RBFOX2: variants seen among roughly 807,000 people sequenced by gnomAD.
RBFOX2 encodes the protein RNA binding protein fox-1 homolog 2.
In RBFOX2, 10 loss-of-function variants were observed where a neutral mutation model predicts 49.1. The ratio of observed to expected loss-of-function variants is 0.20; its 90% CI spans 0.13 to 0.35. RBFOX2 has a LOEUF of 0.35. RBFOX2 is among the 10% of genes least tolerant of loss of function. The pLI is 1.00. For synonymous variants in RBFOX2, 183 were observed against 187.4 expected, an observed-to-expected ratio of 0.98 and a Z score of 0.19; for missense variants, 323 against 486.9, an observed-to-expected ratio of 0.66 and a Z score of 3.17.
chr22:35,818,124 G>C (rs1424548486), intron 1 of RBFOX2, among the ~76,000 whole-genome samples: 1 of 152,108 alleles, frequency 6.6e-6, no homozygotes, highest in Non-Finnish European at 1.5e-5. Context: ...TAGTCTATTA[G>C]GTGAAAAGCA....
chr22:35,780,065 C>T (rs1188725511), intron 3 of RBFOX2, among the ~76,000 whole-genome samples: 1 of 152,124 alleles, frequency 6.6e-6, no homozygotes, highest in African/African-American at 2.4e-5. Flanking sequence ...CTGCGTAACC[C>T]AAGTCCTTTA....
intron 1 of RBFOX2, among the ~76,000 whole-genome samples, chr22:35,977,861 G>T (rs2057274490): frequency 6.7e-6 from 1 of 149,066 alleles, no homozygotes; most frequent in Non-Finnish European, 1.5e-5. Context: ...AGTTAGCACA[G>T]CAGCCAAGGA....
At chr22:35,850,917 T>C (rs1270032778) in intron 1 of RBFOX2, among the ~76,000 whole-genome samples, 3 of 152,180 alleles carry the variant, frequency 2.0e-5, no homozygotes, top group Non-Finnish European at 4.4e-5. Flanking sequence ...GCATTCAAAA[T>C]TTCAAAATGG....
intron 1 of RBFOX2, chr22:35,997,764 GA>G (rs1404739659): frequency 6.6e-6 from 1 of 152,302 alleles, no homozygotes; most frequent in East Asian, 1.9e-4. Flanking sequence ...GTTGAGGCAG[GA>G]AGATCGCTAG....
At chr22:35,765,514 G>A in intron 5 of RBFOX2, 31 bp from the exon 7 acceptor site, 2 of 1,407,810 alleles carry the variant, frequency 1.4e-6, no homozygotes, top group Non-Finnish European at 2.0e-6. Context: ...AAAGGGCAGG[G>A]AAGAAGTGGA....
At position 35,837,488 on chromosome 22, in the gene RBFOX2, A is replaced by AAC. The variant is rs561629926; in HGVS notation, c.27+2702_27+2703dup. Among the ~76,000 whole-genome samples, 511 of 139,664 alleles carry AAC rather than the reference A, an allele frequency of 3.7e-3. 4 individuals carry two copies. The highest frequency in any genetic ancestry group is 7.9e-3 in the African/African-American group (252 of 31,918). The allele number at this position is 139,664 out of a possible 152,430, so 91.6% of individuals were successfully genotyped here. ...ATGTTGGGATTGGATGTCTGGCTCA[A>AAC]ACACACACACACACACATGTGCACA... On this transcript the variant is annotated intron_variant, in intron 1 of 11. Coordinates refer to ENST00000405409, the Ensembl canonical transcript of RBFOX2.
chr22:36,012,946 A>T (rs2146398604), intron 1 of RBFOX2, among the ~76,000 whole-genome samples: 1 of 151,954 alleles, frequency 6.6e-6, no homozygotes, highest in African/African-American at 2.4e-5. Flanking sequence ...TTTTATTTTT[A>T]GTAGAGATGG....
intron 1 of RBFOX2, among the ~76,000 whole-genome samples, chr22:36,023,520 A>G (rs1379264391): frequency 6.6e-6 from 1 of 152,202 alleles, no homozygotes; most frequent in East Asian, 1.9e-4. Flanking sequence ...TTATGAATCA[A>G]ATTGTTCACT....
At chr22:35,946,255 A>C (rs2054264787) in intron 1 of RBFOX2, among the ~76,000 whole-genome samples, 1 of 152,140 alleles carries the variant, frequency 6.6e-6, no homozygotes, top group Non-Finnish European at 1.5e-5. Context: ...ACAACTCCTG[A>C]CTCTCAAATC....
intron 1 of RBFOX2, among the ~76,000 whole-genome samples, chr22:35,919,959 A>G (rs2050848417): frequency 2.0e-5 from 3 of 152,082 alleles, no homozygotes; most frequent in Admixed American, 2.0e-4. Context: ...AGTGGACTTT[A>G]GTGTCCTTTC....
intron 3 of RBFOX2, among the ~76,000 whole-genome samples, chr22:35,780,292 T>TA (rs1944851723): frequency 6.6e-6 from 1 of 151,508 alleles, no homozygotes; most frequent in Non-Finnish European, 1.5e-5. Flanking sequence ...AACCAAGACT[T>TA]AAAGAAGAGC....
chr22:35,931,895 C>G (rs770885602), intron 1 of RBFOX2, among the ~76,000 whole-genome samples: 1 of 152,184 alleles, frequency 6.6e-6, no homozygotes, highest in East Asian at 1.9e-4. Flanking sequence ...CAGCAGAAAT[C>G]AATTTTGGTC....
chr22:35,986,036 A>G (rs1603462246), intron 1 of RBFOX2, among the ~76,000 whole-genome samples: 1 of 152,166 alleles, frequency 6.6e-6, no homozygotes, highest in Admixed American at 6.5e-5. Flanking sequence ...TAATGAAAAG[A>G]CCAATTCTAA....
At chr22:35,912,796 G>C (rs2049976218) in intron 1 of RBFOX2, among the ~76,000 whole-genome samples, 1 of 152,188 alleles carries the variant, frequency 6.6e-6, no homozygotes, top group South Asian at 2.1e-4. Flanking sequence ...TCATATCCCA[G>C]AGGCAGCATG....
At chr22:35,743,950 AG>A in exon 12 of RBFOX2, 1 of 376,378 alleles carries the variant, frequency 2.7e-6, no homozygotes, top group Non-Finnish European at 4.7e-6. Flanking sequence ...TTTTTACCAC[AG>A]TTTAAAAAAA....
intron 1 of RBFOX2, among the ~76,000 whole-genome samples, chr22:35,949,274 T>A (rs1240071902): frequency 6.6e-6 from 1 of 152,246 alleles, no homozygotes; most frequent in Non-Finnish European, 1.5e-5. Flanking sequence ...ATTTTGTCCA[T>A]CCATTCATCT....
At chr22:35,902,905 C>G (rs1477468348) in intron 1 of RBFOX2, among the ~76,000 whole-genome samples, 2 of 152,012 alleles carry the variant, frequency 1.3e-5, no homozygotes, top group South Asian at 4.2e-4. Flanking sequence ...ATCTTCCTGC[C>G]CCAGCCTCCC....
At chr22:35,803,668 C>T (rs1174952399) in intron 2 of RBFOX2, among the ~76,000 whole-genome samples, 1 of 151,680 alleles carries the variant, frequency 6.6e-6, no homozygotes, top group African/African-American at 2.4e-5. Context: ...CAAAGTGAGA[C>T]CCTATCTCAA....
At chr22:35,826,342 C>CAA (rs1160241662) in intron 1 of RBFOX2, among the ~76,000 whole-genome samples, 1,046 of 61,676 alleles carry the variant, frequency 0.017, 33 homozygotes, top group African/African-American at 0.042. Context: ...AACTCCATCT[C>CAA]AAAAAAAAAA....
Sources: allele counts gnomAD v4.1 joint callset (sites outside exome capture counted in the v4.1 genomes callset), GRCh38; gene constraint gnomAD v4.1.1; transcripts MANE v1.5; gene names NCBI Gene and HGNC (gene_info 2026-07-23, HGNC 2026-07-21).